CNTN1: variants seen among roughly 807,000 people sequenced by gnomAD.
The protein encoded by CNTN1 is contactin 1, also known as contactin-1.
CNTN1 carries 38 observed loss-of-function variants against 126.4 expected under a neutral mutation model. That is an observed-to-expected ratio of 0.30 (90% CI 0.23 to 0.39). The LOEUF (loss-of-function observed/expected upper bound fraction) is 0.39, where lower values mean the gene tolerates loss of function less well. Among genes scored for constraint, CNTN1 ranks in the 10% least tolerant of loss-of-function variants. CNTN1 has a pLI of 1.00. For synonymous variants in CNTN1, 413 were observed against 422.6 expected, an observed-to-expected ratio of 0.98 and a Z score of 0.28; for missense variants, 1,009 against 1,248.4, an observed-to-expected ratio of 0.81 and a Z score of 2.89.
In CNTN1 at chr12:40,993,114, A is replaced by C; in HGVS notation, c.1964-6A>C. ...GTATTCTCTATTTACTATTTATTTT[A>C]TTCAGATCCCCCAATTATTGAAGGA... On this transcript the variant is annotated splice_polypyrimidine_tract_variant and splice_region_variant and intron_variant, in intron 16 of 23. Coordinates refer to ENST00000551295, the MANE Select transcript of CNTN1 (RefSeq NM_001843.4). The C allele has an allele frequency of 6.2e-7, 1 of 1,611,034 alleles. No homozygotes were observed. Among genetic ancestry groups the C allele is most frequent in the South Asian group, 1.1e-5 (1 of 91,010 alleles).
In CNTN1 at chr12:41,020,463, T is replaced by C. The variant is rs769546094; in HGVS notation, c.2523+23T>C. 4 of 1,389,092 alleles carry C rather than the reference T, an allele frequency of 2.9e-6. No individual in the cohort carries two copies. The South Asian group carries it at 4.7e-5, about 16-fold the overall frequency. The allele number at this position is 1,389,092 out of a possible 1,614,324, so 86.0% of individuals were successfully genotyped here. On this transcript the variant is annotated intron_variant, in intron 20 of 23. Transcript: ENST00000551295. ...CAGGTACGTTAAATTTTTATCAAAC[T>C]AAATACATTTATTCATAAATATATA... is the stretch of plus-strand genomic sequence containing the variant.
chr12:40,902,533 C>A (rs1401565909), intron 1 of CNTN1, among the ~76,000 whole-genome samples: 1 of 151,964 alleles, frequency 6.6e-6, no homozygotes, highest in Non-Finnish European at 1.5e-5. Context: ...AATAGAGGTA[C>A]AATTTATGGA....
At chr12:40,849,062 G>C (rs575995650) in intron 1 of CNTN1, among the ~76,000 whole-genome samples, 2 of 152,158 alleles carry the variant, frequency 1.3e-5, no homozygotes, top group Admixed American at 1.3e-4. Flanking sequence ...TCAAACACTG[G>C]ACTAAGAACC....
intron 3 of CNTN1, among the ~76,000 whole-genome samples, chr12:40,917,927 A>G (rs1201943156): frequency 2.6e-5 from 4 of 152,176 alleles, no homozygotes; most frequent in African/African-American, 9.7e-5. Flanking sequence ...GATGGTGCTG[A>G]GTGCCAACGC....
At chr12:40,913,763 C>T (rs1053801538) in intron 3 of CNTN1, among the ~76,000 whole-genome samples, 58 of 152,070 alleles carry the variant, frequency 3.8e-4, no homozygotes, top group African/African-American at 1.1e-3. Flanking sequence ...ATATTAATGG[C>T]GAAAGTGAGA....
At chr12:40,845,670 G>A (rs936557292) in intron 1 of CNTN1, among the ~76,000 whole-genome samples, 1 of 152,112 alleles carries the variant, frequency 6.6e-6, no homozygotes, top group Non-Finnish European at 1.5e-5. Context: ...GAGATGAGAG[G>A]AGGGCTGGAG....
At chr12:40,759,167 GT>G (rs1938734150) in intron 1 of CNTN1, among the ~76,000 whole-genome samples, 1 of 152,104 alleles carries the variant, frequency 6.6e-6, no homozygotes, top group South Asian at 2.1e-4. Flanking sequence ...GCCTCCCAAT[GT>G]GCTGGAATTA....
intron 12 of CNTN1, among the ~76,000 whole-genome samples, chr12:40,943,367 A>G (rs1473512304): frequency 1.3e-5 from 2 of 152,086 alleles, no homozygotes; most frequent in Non-Finnish European, 2.9e-5. Flanking sequence ...TTAGAAGACT[A>G]CGGCAATAGT....
intron 23 of CNTN1, among the ~76,000 whole-genome samples, chr12:41,048,946 TCAC>T (rs1949610372): frequency 6.6e-6 from 1 of 152,208 alleles, no homozygotes. Context: ...AATCAGATTT[TCAC>T]CACAACACCC....
chr12:40,846,360 C>A (rs201888294), intron 1 of CNTN1, among the ~76,000 whole-genome samples: 2 of 152,218 alleles, frequency 1.3e-5, no homozygotes, highest in East Asian at 3.9e-4. Flanking sequence ...CCCAGCTATT[C>A]GGGAGGCTGA....
At chr12:40,887,998 A>T (rs1378602300) in intron 1 of CNTN1, among the ~76,000 whole-genome samples, 2 of 113,624 alleles carry the variant, frequency 1.8e-5, no homozygotes, top group Non-Finnish European at 3.3e-5. Flanking sequence ...GGAACATCAC[A>T]CTCTGGGGAC....
chr12:40,752,157 A>G (rs927259329), intron 1 of CNTN1, among the ~76,000 whole-genome samples: 1 of 152,076 alleles, frequency 6.6e-6, no homozygotes, highest in Admixed American at 6.6e-5. Flanking sequence ...ACACAGAAAC[A>G]AAGGCTTTAT....
At chr12:40,924,231 A>T (rs1289686506) in intron 5 of CNTN1, among the ~76,000 whole-genome samples, 2 of 151,966 alleles carry the variant, frequency 1.3e-5, no homozygotes, top group Admixed American at 6.6e-5. Flanking sequence ...GTCTGATTTC[A>T]TTGTATTTCC....
At chr12:40,898,778 A>C (rs1458543710) in intron 1 of CNTN1, among the ~76,000 whole-genome samples, 1 of 152,210 alleles carries the variant, frequency 6.6e-6, no homozygotes, top group Non-Finnish European at 1.5e-5. Context: ...TTCTCCCTTC[A>C]GGGGTGGTCT....
chr12:40,778,837 A>G (rs765685213), intron 1 of CNTN1, among the ~76,000 whole-genome samples: 5 of 151,852 alleles, frequency 3.3e-5, no homozygotes, highest in Non-Finnish European at 7.4e-5. Context: ...TCCATTTAGT[A>G]GTTTTAGAAG....
chr12:40,713,176 T>C (rs1304073905), intron 1 of CNTN1, among the ~76,000 whole-genome samples: 1 of 151,776 alleles, frequency 6.6e-6, no homozygotes, highest in Non-Finnish European at 1.5e-5. Flanking sequence ...CATTAAAAAG[T>C]TTTTAAATGA....
chr12:40,763,761 A>G (rs1034651839), intron 1 of CNTN1, among the ~76,000 whole-genome samples: 1 of 152,218 alleles, frequency 6.6e-6, no homozygotes, highest in Non-Finnish European at 1.5e-5. Flanking sequence ...GTGAATTTCA[A>G]TGAACTTACT....
At chr12:40,978,195 A>G (rs1344694066) in intron 15 of CNTN1, among the ~76,000 whole-genome samples, 2 of 152,266 alleles carry the variant, frequency 1.3e-5, no homozygotes, top group Non-Finnish European at 2.9e-5. Flanking sequence ...CCCAAGATAA[A>G]TCAGGGCACA....
At chr12:40,741,120 TCC>T in intron 1 of CNTN1, among the ~76,000 whole-genome samples, 1 of 152,060 alleles carries the variant, frequency 6.6e-6, no homozygotes, top group Non-Finnish European at 1.5e-5. Flanking sequence ...CTATGGAATA[TCC>T]ACTGAAGTCT....
Sources: gnomAD v4.1 joint callset for allele counts (sites outside exome capture counted in the v4.1 genomes callset) on GRCh38, gnomAD v4.1.1 for gene constraint, MANE v1.5 for transcripts, NCBI Gene and HGNC (gene_info 2026-07-23, HGNC 2026-07-21) for gene names.